The following DDX60L variants were observed in gnomAD, a reference collection of about 807,000 sequenced individuals.
DDX60L encodes the protein probable ATP-dependent RNA helicase DDX60-like.
In DDX60L, 191 loss-of-function variants were observed where a neutral mutation model predicts 211.6. The ratio of observed to expected loss-of-function variants is 0.90; its 90% CI spans 0.80 to 1.02. DDX60L has a LOEUF of 1.02. Ranked by LOEUF, DDX60L falls within the 50% of genes least tolerant of loss-of-function variation. DDX60L has a pLI of 0.00. For missense variants in DDX60L, 2,007 were observed against 1,984.1 expected (o/e 1.01, Z -0.22); for synonymous variants, 706 against 694.1 (o/e 1.02, Z -0.27).
chr4:168,451,947 A>G lies in DDX60L; in HGVS notation c.996+1177T>C, dbSNP rs141347094. On this transcript the variant is annotated intron_variant, in intron 8 of 37. Coordinates refer to ENST00000682922, the MANE Select transcript of DDX60L (RefSeq NM_001012967.3). ...GTCATTTCACTTGTCTTCACTCTTC[A>G]GAGAGGTCAACCTTTCCAGACTGGG... Among the ~76,000 whole-genome samples the G allele has an allele frequency of 5.3e-5, 8 of 152,326 alleles. No individual in the cohort carries two copies. In the East Asian group the frequency reaches 1.5e-3, roughly 29 times the overall value.
At chr4:168,442,044 G>T (rs561625938) in intron 9 of DDX60L, among the ~76,000 whole-genome samples, 5 of 152,128 alleles carry the variant, frequency 3.3e-5, no homozygotes, top group African/African-American at 1.2e-4. Context: ...AGCTCCCAGC[G>T]TGAGCAACGC....
intron 26 of DDX60L, among the ~76,000 whole-genome samples, chr4:168,400,110 T>C (rs1413737583): frequency 1.3e-5 from 2 of 152,164 alleles, no homozygotes; most frequent in African/African-American, 4.8e-5. Context: ...AGTGAGAACA[T>C]GTAGTATTTG....
chr4:168,457,731 G>A (rs985156821), intron 6 of DDX60L, among the ~76,000 whole-genome samples, 161 bp downstream of exon 6: 1 of 152,098 alleles, frequency 6.6e-6, no homozygotes, highest in Admixed American at 6.5e-5. Context: ...TGAATTCAAG[G>A]TACTCTGAGA....
chr4:168,427,276 A>G lies in DDX60L; in HGVS notation c.1724T>C (p.Phe575Ser). Residue 575 changes from phenylalanine to serine, a missense_variant, in exon 14 of 38, where the codon TTT becomes TCT. Phe to Ser is a radical substitution (Grantham distance 155). Coordinates refer to ENST00000682922, the MANE Select transcript of DDX60L (RefSeq NM_001012967.3). The part of the protein sequence containing the change: ...QITKKSKKKS[F>S]LKEDQNKAQQ... ...AGCTTTGTTCTGATCTTCTTTGAGA[A>G]ATGACTTTTTCTTACTCTTTTTGGT... 6.2e-7 allele frequency: 1 copy of G among 1,613,746 alleles called. No individual in the cohort carries two copies. The highest frequency in any genetic ancestry group is 8.5e-7 in the Non-Finnish European group (1 of 1,179,822).
intron 36 of DDX60L, among the ~76,000 whole-genome samples, chr4:168,366,390 C>T (rs945908750): frequency 1.3e-5 from 2 of 151,800 alleles, no homozygotes; most frequent in African/African-American, 2.4e-5. Flanking sequence ...AATTCATTTA[C>T]AATAGCTACA....
rs747347379 is a variant in DDX60L, at chr4:168,457,987, C to T, written c.628G>A (p.Ala210Thr). 5 of 1,549,390 alleles carry T rather than the reference C, an allele frequency of 3.2e-6. No homozygotes were observed. In the African/African-American group the frequency reaches 6.8e-5, roughly 21 times the overall value. Residue 210 changes from alanine to threonine, a missense_variant, in exon 6 of 38, where the codon GCA (alanine) becomes ACA (threonine). By Grantham distance (58) the Ala-to-Thr change is moderately conservative. Transcript: ENST00000682922. ...SKENETVIQS[A>T]YKSLIQHLEE... Reference sequence around the variant, plus strand: ...AAGTGTTGTATGAGGCTTTTATATGCACTCTGAATCACTGTTTCATTCTGT... The same window carrying T: ...AAGTGTTGTATGAGGCTTTTATATGTACTCTGAATCACTGTTTCATTCTGT...
At chr4:168,379,043 T>G (rs1215772483) in intron 32 of DDX60L, among the ~76,000 whole-genome samples, 1 of 152,222 alleles carries the variant, frequency 6.6e-6, no homozygotes, top group African/African-American at 2.4e-5. Context: ...CTAGGTTTAA[T>G]TAACTGGGCT....
chr4:168,379,375 G>T lies in DDX60L; in HGVS notation c.4351C>A (p.Pro1451Thr). 6.3e-7 allele frequency: 1 copy of T among 1,585,656 alleles called. No homozygotes were observed. The highest frequency in any genetic ancestry group is 8.5e-7 in the Non-Finnish European group (1 of 1,171,328). ...AACCCAAGCTTACCTTTCCAGGCTGGCTTACAGAGATTATGGAAAAGGCCT... is the reference window on the plus strand; with the variant it reads ...AACCCAAGCTTACCTTTCCAGGCTGTCTTACAGAGATTATGGAAAAGGCCT... ...KRGLFHNLCK[P>T]AWKGSQQFSQ... The change falls in exon 32 of 38, where the codon CCA (proline) becomes ACA (threonine). Residue 1451 changes from proline to threonine, a missense_variant. Transcript: ENST00000682922.
intron 17 of DDX60L, among the ~76,000 whole-genome samples, chr4:168,420,639 CAT>C (rs1491364905): frequency 0.22 from 22,868 of 105,872 alleles, 2,088 homozygotes; most frequent in African/African-American, 0.32. Flanking sequence ...CACACACACA[CAT>C]GAGATAGATA....
chr4:168,468,723 C>G (rs1758346454), intron 4 of DDX60L: 1 of 151,936 alleles, frequency 6.6e-6, no homozygotes, highest in Admixed American at 6.6e-5. Flanking sequence ...ATTAAAAAAT[C>G]TAAGAAATAT....
At chr4:168,369,991 C>T (rs1426937186) in intron 36 of DDX60L, among the ~76,000 whole-genome samples, 1 of 151,976 alleles carries the variant, frequency 6.6e-6, no homozygotes, top group Non-Finnish European at 1.5e-5. Context: ...ATGAGTATAT[C>T]CATTATGGAA....
chr4:168,441,132 G>C (rs1299002669), intron 10 of DDX60L, among the ~76,000 whole-genome samples: 1 of 152,060 alleles, frequency 6.6e-6, no homozygotes, highest in Admixed American at 6.6e-5. Context: ...GTATATATCT[G>C]TGTAAAATTT....
intron 26 of DDX60L, 35 bp from the exon 27 acceptor site, chr4:168,396,159 AT>A: frequency 8.0e-7 from 1 of 1,248,232 alleles, no homozygotes; most frequent in Non-Finnish European, 1.1e-6. Context: ...CTTTTAAGTA[AT>A]GAAAACTCAT....
chr4:168,373,988 T>C (rs1367347708), intron 34 of DDX60L, among the ~76,000 whole-genome samples, 180 bp from the exon 35 acceptor site: 2 of 152,218 alleles, frequency 1.3e-5, no homozygotes, highest in Non-Finnish European at 2.9e-5. Context: ...ATTCAATCCA[T>C]GTTGACTATT....
At position 168,396,071 on chromosome 4, in the gene DDX60L, C is replaced by T; in HGVS notation, c.3545G>A (p.Arg1182Lys). The T allele has an allele frequency of 6.3e-7, 1 of 1,590,800 alleles. No individual in the cohort carries two copies. Among genetic ancestry groups the T allele is most frequent in the Non-Finnish European group, 8.6e-7 (1 of 1,168,912 alleles). Reference sequence around the variant, plus strand: ...CTCCAGGAAATTAATATATTCAGCTCTATACACTTTTTTTCTTTCCAGTTT... The same window carrying T: ...CTCCAGGAAATTAATATATTCAGCTTTATACACTTTTTTTCTTTCCAGTTT... ...AEKLERKKVYRAEYINFLENL... is the reference protein window; with the variant it reads ...AEKLERKKVYKAEYINFLENL... The change falls in exon 27 of 38, where the codon AGA becomes AAA. Residue 1182 changes from arginine to lysine, a missense_variant. Arg to Lys is a conservative substitution (Grantham distance 26, BLOSUM62 2). Coordinates refer to ENST00000682922, the MANE Select transcript of DDX60L (RefSeq NM_001012967.3).
At position 168,478,526 on chromosome 4, in the gene DDX60L, A is replaced by G. The variant is rs553111597; in HGVS notation, c.-111+1851T>C. 4.7e-4 allele frequency among the ~76,000 whole-genome samples: 71 copies of G among 152,316 alleles called. 4 individuals are homozygous for G. The South Asian group carries it at 0.014, about 31-fold the overall frequency. ...GCAGCAGGTTATAAAAAAGGGTGAT[A>G]TCAGTAAATCAACCAGCAGGTCTCC... On this transcript the variant is annotated intron_variant, in intron 1 of 37. Coordinates refer to ENST00000682922, the MANE Select transcript of DDX60L (RefSeq NM_001012967.3).
chr4:168,379,292 A>G, intron 32 of DDX60L, 71 bp downstream of exon 32: 3 of 1,275,746 alleles, frequency 2.4e-6, no homozygotes, highest in South Asian at 1.9e-5. Flanking sequence ...AGAGAAAAAC[A>G]TATCTGCGGT....
At chr4:168,416,121 G>A (rs911379876) in intron 20 of DDX60L, among the ~76,000 whole-genome samples, 4 of 152,152 alleles carry the variant, frequency 2.6e-5, no homozygotes, top group African/African-American at 9.7e-5. Flanking sequence ...TGCCATCGTC[G>A]CTGTTACCAG....
At chr4:168,457,261 T>TATATACAC (rs139881909) in intron 6 of DDX60L, among the ~76,000 whole-genome samples, 18,034 of 145,106 alleles carry the variant, frequency 0.12, 1,522 homozygotes, top group Non-Finnish European at 0.17. Flanking sequence ...ATAAACTACA[T>TATATACAC]ACACACACAC....
Sources: allele counts gnomAD v4.1 joint callset (sites outside exome capture counted in the v4.1 genomes callset), GRCh38; gene constraint gnomAD v4.1.1; transcripts MANE v1.5; gene names NCBI Gene and HGNC (gene_info 2026-07-23, HGNC 2026-07-21).